EXOC6: variants seen among roughly 807,000 people sequenced by gnomAD.
The protein encoded by EXOC6 is exocyst complex component 6, also known as SEC15-like 1.
A neutral mutation model predicts 112.5 loss-of-function variants in EXOC6; 60 were observed. That is an observed-to-expected ratio of 0.53 (90% CI 0.43 to 0.66). EXOC6 has a LOEUF of 0.66. Ranked by LOEUF, EXOC6 falls within the 30% of genes least tolerant of loss-of-function variation. EXOC6 has a pLI of 0.00. For missense variants in EXOC6, 855 were observed against 957.1 expected (o/e 0.89, Z 1.41); for synonymous variants, 295 against 308.0 (o/e 0.96, Z 0.44).
At chr10:92,848,390 T>C (rs1847139152), upstream of EXOC6, 1 of 510,144 alleles carries the variant, frequency 2.0e-6, no homozygotes, top group Non-Finnish European at 2.5e-6. Flanking sequence ...GTCGCGCGCC[T>C]TCTGCCCGGC....
intron 6 of EXOC6, among the ~76,000 whole-genome samples, chr10:92,911,187 T>G (rs187563994): frequency 1.1e-4 from 17 of 152,336 alleles, no homozygotes; most frequent in Admixed American, 1.0e-3. Flanking sequence ...CATTGCACAC[T>G]CTTACATGAT....
intron 20 of EXOC6, among the ~76,000 whole-genome samples, chr10:93,018,378 C>G (rs1844637066): frequency 6.6e-6 from 1 of 152,114 alleles, no homozygotes; most frequent in South Asian, 2.1e-4. Flanking sequence ...ATAAGTTATA[C>G]ATGTTTTCAA....
intron 19 of EXOC6, among the ~76,000 whole-genome samples, chr10:93,006,605 C>G (rs1843995853): frequency 6.6e-6 from 1 of 152,146 alleles, no homozygotes; most frequent in African/African-American, 2.4e-5. Flanking sequence ...TCTCCTGATT[C>G]CCAGGCATAA....
chr10:93,016,651 C>T (rs1186048486), intron 20 of EXOC6, among the ~76,000 whole-genome samples: 1 of 152,084 alleles, frequency 6.6e-6, no homozygotes, highest in African/African-American at 2.4e-5. Flanking sequence ...ATTTAACTTG[C>T]TTTGAATTAT....
intron 18 of EXOC6, among the ~76,000 whole-genome samples, chr10:92,979,896 CAAAA>C (rs5787028): frequency 4.7e-5 from 4 of 84,418 alleles, no homozygotes; most frequent in Non-Finnish European, 4.8e-5. Context: ...GACACTGTCT[CAAAA>C]AAAAAAAAAA....
intron 9 of EXOC6, among the ~76,000 whole-genome samples, chr10:92,930,069 G>C (rs917243957): frequency 2.0e-5 from 3 of 152,190 alleles, no homozygotes; most frequent in Non-Finnish European, 2.9e-5. Flanking sequence ...TGGAAGACCT[G>C]AAAACTATTA....
intron 17 of EXOC6, among the ~76,000 whole-genome samples, chr10:92,959,303 A>T (rs1180626272): frequency 1.3e-5 from 2 of 152,208 alleles, no homozygotes; most frequent in Admixed American, 6.5e-5. Flanking sequence ...ATCCACATGT[A>T]AAAAAATGAA....
At chr10:92,835,612 G>A (rs955855507) in intron 1 of EXOC6, among the ~76,000 whole-genome samples, 1 of 152,128 alleles carries the variant, frequency 6.6e-6, no homozygotes, top group African/African-American at 2.4e-5. Context: ...GTGTGTGTGT[G>A]TGACCTCTTC....
At chr10:92,944,310 C>T (rs759045148) in intron 13 of EXOC6, among the ~76,000 whole-genome samples, 1 of 152,020 alleles carries the variant, frequency 6.6e-6, no homozygotes, top group African/African-American at 2.4e-5. Context: ...GATCTTGGCT[C>T]ATGGCAACCT....
At chr10:92,850,630 T>G (rs1441263589) in intron 1 of EXOC6, among the ~76,000 whole-genome samples, 1 of 152,210 alleles carries the variant, frequency 6.6e-6, no homozygotes, top group Admixed American at 6.5e-5. Context: ...CACCATGAAC[T>G]GTCATCTAGC....
At position 92,922,250 on chromosome 10, in the gene EXOC6, A is replaced by G. The variant is rs768798345; in HGVS notation, c.888+2200A>G. 1.2e-3 allele frequency among the ~76,000 whole-genome samples: 185 copies of G among 151,954 alleles called. 3 individuals carry two copies. Among genetic ancestry groups the G allele is most frequent in the Non-Finnish European group, 3.5e-4 (24 of 67,960 alleles). On this transcript the variant is annotated intron_variant, in intron 8 of 21. Coordinates refer to ENST00000260762, the MANE Select transcript of EXOC6 (RefSeq NM_019053.6). Reference sequence around the variant, plus strand: ...CATGAGCCACCGTGGCCGGCCACTAATTTCTTATTATTGTTACAACTCTTC... The same window carrying G: ...CATGAGCCACCGTGGCCGGCCACTAGTTTCTTATTATTGTTACAACTCTTC...
chr10:92,975,398 C>T (rs1195461977), intron 18 of EXOC6, among the ~76,000 whole-genome samples: 3 of 144,036 alleles, frequency 2.1e-5, no homozygotes, highest in Non-Finnish European at 4.6e-5. Flanking sequence ...AGTGAGGAGC[C>T]CCTCCGCCCG....
In EXOC6 at chr10:92,848,594, A is replaced by C. The variant is rs776059707; in HGVS notation, c.61A>C (p.Ile21Leu). The C allele has an allele frequency of 2.8e-6, 4 of 1,453,988 alleles. No individual in the cohort carries two copies. Among genetic ancestry groups the C allele is most frequent in the Middle Eastern group, 1.9e-4 (1 of 5,348 alleles). The allele number at this position is 1,453,988 out of a possible 1,614,324, so 90.1% of individuals were successfully genotyped here. A position where few individuals can be genotyped will look rare whatever the true frequency, so the allele number is the denominator to read the frequency against. Residue 21 changes from isoleucine (I) to leucine (L), a missense_variant, in exon 1 of 22, where the codon ATC (isoleucine) becomes CTC (leucine). By Grantham distance (5) the Ile-to-Leu change is conservative. Coordinates refer to ENST00000260762, the MANE Select transcript of EXOC6 (RefSeq NM_019053.6). ...VPEHERILQE[I>L]ESTDTACVGP... ...CGAGCACGAGCGGATCTTGCAGGAG[A>C]TCGAGAGCACCGACACCGCCTGTGT...
At chr10:92,830,119 T>A (rs1359115233), upstream of EXOC6, among the ~76,000 whole-genome samples, 1 of 152,212 alleles carries the variant, frequency 6.6e-6, no homozygotes, top group East Asian at 1.9e-4. Flanking sequence ...CATTCTTTAT[T>A]CCTTTATTTG....
At chr10:93,048,755 C>A (rs1484928277) in intron 20 of EXOC6, among the ~76,000 whole-genome samples, 2,736 of 106,606 alleles carry the variant, frequency 0.026, no homozygotes, top group Non-Finnish European at 0.029. Flanking sequence ...GACTCCGTCT[C>A]AAAAAAAAAA....
At chr10:93,047,274 C>T (rs1301840805) in intron 20 of EXOC6, among the ~76,000 whole-genome samples, 1 of 152,172 alleles carries the variant, frequency 6.6e-6, no homozygotes, top group African/African-American at 2.4e-5. Context: ...CGGTGGCTCA[C>T]GCCTATAATC....
intron 5 of EXOC6, among the ~76,000 whole-genome samples, chr10:92,908,844 T>C (rs563162834): frequency 6.6e-6 from 1 of 152,212 alleles, no homozygotes; most frequent in African/African-American, 2.4e-5. Flanking sequence ...AGAGGAAATA[T>C]TACATTCAGT....
At chr10:92,931,877 G>A (rs1285592461) in intron 9 of EXOC6, among the ~76,000 whole-genome samples, 1 of 151,968 alleles carries the variant, frequency 6.6e-6, no homozygotes, top group African/African-American at 2.4e-5. Context: ...AAATGGTTTG[G>A]CAATTTGTTA....
chr10:93,052,694 A>G (rs1447098975), intron 20 of EXOC6, among the ~76,000 whole-genome samples: 2 of 152,244 alleles, frequency 1.3e-5, no homozygotes, highest in African/African-American at 4.8e-5. Flanking sequence ...ACTTCCCAAA[A>G]GGATTTAAGG....
Sources: gnomAD v4.1 joint callset for allele counts (sites outside exome capture counted in the v4.1 genomes callset) on GRCh38, gnomAD v4.1.1 for gene constraint, MANE v1.5 for transcripts, NCBI Gene and HGNC (gene_info 2026-07-23, HGNC 2026-07-21) for gene names.